The following DDX10 variants were observed in gnomAD, a reference collection of about 807,000 sequenced individuals.
DDX10 encodes probable ATP-dependent RNA helicase DDX10.
In DDX10, 74 loss-of-function variants were observed where a neutral mutation model predicts 104.3. The ratio of observed to expected loss-of-function variants is 0.71; its 90% CI spans 0.59 to 0.86. The LOEUF is 0.86. Among genes scored for constraint, DDX10 ranks in the 40% least tolerant of loss-of-function variants. The pLI, the probability that DDX10 is intolerant of heterozygous loss-of-function variation, is 0.00. For missense variants in DDX10, 952 were observed against 1,040.0 expected (o/e 0.92, Z 1.16); for synonymous variants, 351 against 353.4 (o/e 0.99, Z 0.08).
rs545268031 is a variant in DDX10, at chr11:108,903,499, A to G, written c.2305-14374A>G. On this transcript the variant is annotated intron_variant, in intron 16 of 17. Coordinates refer to ENST00000322536, the MANE Select transcript of DDX10 (RefSeq NM_004398.4). ...AATAGTTGAAAAAAATTGCATCTGT[A>G]CTGAACATGCACAGACATTTTCTTG... 8.5e-5 allele frequency among the ~76,000 whole-genome samples: 13 copies of G among 152,294 alleles called. No individual in the cohort carries two copies. In the South Asian group the frequency reaches 2.7e-3, roughly 32 times the overall value.
At chr11:108,761,842 G>A (rs1386900724) in intron 13 of DDX10, among the ~76,000 whole-genome samples, 1 of 151,994 alleles carries the variant, frequency 6.6e-6, no homozygotes, top group Non-Finnish European at 1.5e-5. Flanking sequence ...TACATTATGT[G>A]GAAGACCATA....
intron 13 of DDX10, among the ~76,000 whole-genome samples, chr11:108,808,623 G>A (rs1160956153): frequency 6.6e-6 from 1 of 152,050 alleles, no homozygotes; most frequent in African/African-American, 2.4e-5. Flanking sequence ...TTCCATCTTT[G>A]TTTGATATCC....
At chr11:108,786,321 A>G (rs553240732) in intron 13 of DDX10, among the ~76,000 whole-genome samples, 1 of 151,790 alleles carries the variant, frequency 6.6e-6, no homozygotes, top group East Asian at 1.9e-4. Context: ...AACAATGTAT[A>G]TTCTATGGTT....
At chr11:108,738,355 C>T (rs1417936930) in intron 13 of DDX10, among the ~76,000 whole-genome samples, 2 of 150,964 alleles carry the variant, frequency 1.3e-5, no homozygotes, top group African/African-American at 4.9e-5. Flanking sequence ...TGAATTTACT[C>T]TACTTACTCA....
chr11:108,851,350 T>C (rs762482196), intron 15 of DDX10, among the ~76,000 whole-genome samples: 2 of 152,154 alleles, frequency 1.3e-5, no homozygotes, highest in Non-Finnish European at 2.9e-5. Flanking sequence ...TTTGCTTCTT[T>C]CATATATTTT....
chr11:108,883,383 C>T (rs538519566), intron 16 of DDX10, among the ~76,000 whole-genome samples: 83 of 152,220 alleles, frequency 5.5e-4, no homozygotes, highest in African/African-American at 1.8e-3. Context: ...ACGAATGAAT[C>T]GTCCCAACTG....
chr11:108,726,528 T>A (rs1168476369), intron 13 of DDX10, among the ~76,000 whole-genome samples: 1 of 152,106 alleles, frequency 6.6e-6, no homozygotes, highest in Non-Finnish European at 1.5e-5. Context: ...AATAGTTTGT[T>A]TTTTGTAGAC....
chr11:108,910,487 A>G (rs1157543599), intron 16 of DDX10, among the ~76,000 whole-genome samples: 1 of 152,220 alleles, frequency 6.6e-6, no homozygotes, highest in East Asian at 1.9e-4. Flanking sequence ...TCAAAACCAA[A>G]ACAAAAATAA....
chr11:108,738,789 C>T (rs2094321395), intron 13 of DDX10, among the ~76,000 whole-genome samples: 4 of 152,132 alleles, frequency 2.6e-5, no homozygotes, highest in African/African-American at 9.7e-5. Context: ...TGCAGGTTAA[C>T]GTATTAGCCT....
chr11:108,790,096 A>G (rs1353717352), intron 13 of DDX10, among the ~76,000 whole-genome samples: 1 of 152,250 alleles, frequency 6.6e-6, no homozygotes, highest in African/African-American at 2.4e-5. Flanking sequence ...CCCCTAAAGC[A>G]CATGGTCATT....
At chr11:108,919,043 T>C (rs957566794) in intron 17 of DDX10, 2 of 152,198 alleles carry the variant, frequency 1.3e-5, no homozygotes, top group African/African-American at 4.8e-5. Flanking sequence ...TATGAAAAGG[T>C]CTTAAAGATT....
intron 6 of DDX10, among the ~76,000 whole-genome samples, chr11:108,682,988 C>T (rs564240900): frequency 6.6e-6 from 1 of 151,838 alleles, no homozygotes. Flanking sequence ...TTCTTTATTT[C>T]TGGCCAGCAA....
chr11:108,902,370 C>T (rs1397900702), intron 16 of DDX10, among the ~76,000 whole-genome samples: 2 of 152,092 alleles, frequency 1.3e-5, no homozygotes, highest in Non-Finnish European at 2.9e-5. Context: ...GCTAACATAC[C>T]TTTGGATTTC....
intron 13 of DDX10, among the ~76,000 whole-genome samples, chr11:108,729,263 T>C (rs2094309054): frequency 6.6e-6 from 1 of 152,174 alleles, no homozygotes; most frequent in Non-Finnish European, 1.5e-5. Flanking sequence ...TACCTCCTTA[T>C]GCCGCTCTTA....
chr11:108,802,536 C>A (rs1862036051), intron 13 of DDX10, among the ~76,000 whole-genome samples: 1 of 152,158 alleles, frequency 6.6e-6, no homozygotes, highest in African/African-American at 2.4e-5. Context: ...ATTATTTTCC[C>A]TCAGATACGT....
intron 16 of DDX10, among the ~76,000 whole-genome samples, chr11:108,907,672 G>C (rs1863615479): frequency 6.6e-6 from 1 of 152,188 alleles, no homozygotes; most frequent in Non-Finnish European, 1.5e-5. Flanking sequence ...CTGGGTGTTA[G>C]GAAGGGCAGA....
At chr11:108,796,025 C>T (rs1196895175) in intron 13 of DDX10, among the ~76,000 whole-genome samples, 1 of 152,106 alleles carries the variant, frequency 6.6e-6, no homozygotes, top group South Asian at 2.1e-4. Flanking sequence ...TCTTTTTAAA[C>T]AACATTCAGC....
intron 13 of DDX10, among the ~76,000 whole-genome samples, chr11:108,824,942 C>G (rs11828110): frequency 0.17 from 25,965 of 151,776 alleles, 2,253 homozygotes; most frequent in East Asian, 0.25. Context: ...TATTGTAACA[C>G]TATAAATGTT....
chr11:108,734,910 T>C (rs888848052), intron 13 of DDX10, among the ~76,000 whole-genome samples: 2 of 152,222 alleles, frequency 1.3e-5, no homozygotes, highest in Admixed American at 6.5e-5. Flanking sequence ...ACTGCTAATA[T>C]GGCAGATTAG....
Sources: gnomAD v4.1 joint callset for allele counts (sites outside exome capture counted in the v4.1 genomes callset) on GRCh38, gnomAD v4.1.1 for gene constraint, MANE v1.5 for transcripts, NCBI Gene and HGNC (gene_info 2026-07-23, HGNC 2026-07-21) for gene names.